The following RRP15 variants were observed in gnomAD, a reference collection of about 807,000 sequenced individuals.
RRP15 encodes the protein ribosomal RNA processing 15 homolog, also known as RRP15-like protein.
A neutral mutation model predicts 27.1 loss-of-function variants in RRP15; 18 were observed. The observed-to-expected ratio is 0.66, with a 90% CI of 0.46 to 0.98. RRP15 has a LOEUF of 0.98. Ranked by LOEUF, RRP15 falls within the 50% of genes least tolerant of loss-of-function variation. The pLI, the probability that RRP15 is intolerant of heterozygous loss-of-function variation, is 0.00. For missense variants in RRP15, 359 were observed against 337.8 expected, an observed-to-expected ratio of 1.06 and a Z score of -0.49; for synonymous variants, 107 against 109.4, an observed-to-expected ratio of 0.98 and a Z score of 0.14.
intron 4 of RRP15, among the ~76,000 whole-genome samples, chr1:218,321,375 G>A (rs1226901737): frequency 1.3e-5 from 2 of 152,170 alleles, no homozygotes; most frequent in Non-Finnish European, 2.9e-5. Context: ...GTGCTGCCTT[G>A]CAGCAACACT....
intron 4 of RRP15, among the ~76,000 whole-genome samples, chr1:218,320,603 T>C (rs1656172342): frequency 6.6e-6 from 1 of 152,144 alleles, no homozygotes. Context: ...AACCACCAAA[T>C]AGAACCGCTT....
rs1655666719 is a variant in RRP15, at chr1:218,292,778, T to C, written c.139+7323T>C. ...CACATCTTGTCATTCCCTAGACGAC[T>C]AGGGTCATAGCATTCTGAACTAGTT... On this transcript the variant is annotated intron_variant, in intron 1 of 4. Transcript: ENST00000366932. Among the ~76,000 whole-genome samples, 3 of 152,222 alleles carry C rather than the reference T, an allele frequency of 2.0e-5. No homozygotes were observed. The South Asian group carries it at 6.2e-4, about 32-fold the overall frequency.
chr1:218,315,008 AAG>A (rs1656065455), intron 4 of RRP15, among the ~76,000 whole-genome samples: 1 of 142,094 alleles, frequency 7.0e-6, no homozygotes, highest in Non-Finnish European at 1.5e-5. Context: ...AAAAAAAAAA[AAG>A]AAAGAAAGTG....
intron 4 of RRP15, among the ~76,000 whole-genome samples, chr1:218,318,695 T>G (rs1456105135): frequency 6.6e-6 from 1 of 152,198 alleles, no homozygotes; most frequent in Admixed American, 6.5e-5. Flanking sequence ...TCAGAATGTT[T>G]CGTGCTAGTG....
At chr1:218,297,558 A>T (rs1655740690) in intron 1 of RRP15, among the ~76,000 whole-genome samples, 1 of 152,204 alleles carries the variant, frequency 6.6e-6, no homozygotes, top group Admixed American at 6.5e-5. Context: ...AAAGCCACTT[A>T]GATTAGTGTG....
At chr1:218,308,493 G>T (rs1655938627) in intron 4 of RRP15, among the ~76,000 whole-genome samples, 1 of 152,080 alleles carries the variant, frequency 6.6e-6, no homozygotes, top group Non-Finnish European at 1.5e-5. Flanking sequence ...TTGATGGCTT[G>T]ATTTCTGTTG....
chr1:218,289,142 C>A (rs1488018011), intron 1 of RRP15, among the ~76,000 whole-genome samples: 1 of 152,188 alleles, frequency 6.6e-6, no homozygotes, highest in Non-Finnish European at 1.5e-5. Context: ...GATGATGTCT[C>A]TTCTGACCTA....
At chr1:218,325,449 G>T (rs1449086525) in intron 4 of RRP15, among the ~76,000 whole-genome samples, 6 of 152,122 alleles carry the variant, frequency 3.9e-5, no homozygotes, top group Admixed American at 3.3e-4. Context: ...AAATACCTCT[G>T]TTCAGTATTC....
At chr1:218,285,486 G>C in intron 1 of RRP15, 31 bp downstream of exon 1, 1 of 1,612,268 alleles carries the variant, frequency 6.2e-7, no homozygotes, top group Non-Finnish European at 8.5e-7. Context: ...TTTGGTGTCT[G>C]GGAGGAAAGG....
chr1:218,298,666 C>T (rs559226121), intron 1 of RRP15, among the ~76,000 whole-genome samples: 29 of 152,210 alleles, frequency 1.9e-4, no homozygotes, highest in South Asian at 1.9e-3. Context: ...CTCAGTACGT[C>T]GGAGGTTTAG....
intron 4 of RRP15, among the ~76,000 whole-genome samples, chr1:218,320,634 G>A (rs538523512): frequency 1.3e-5 from 2 of 151,990 alleles, no homozygotes; most frequent in Non-Finnish European, 2.9e-5. Flanking sequence ...CATATGTAGT[G>A]GGTACATATG....
At chr1:218,324,003 T>A (rs938095108) in intron 4 of RRP15, among the ~76,000 whole-genome samples, 2 of 152,188 alleles carry the variant, frequency 1.3e-5, no homozygotes, top group African/African-American at 4.8e-5. Flanking sequence ...CTTGGGTTGC[T>A]GCAGCTATTC....
chr1:218,288,513 C>A (rs1174622564), intron 1 of RRP15, among the ~76,000 whole-genome samples: 3 of 152,162 alleles, frequency 2.0e-5, no homozygotes, highest in Non-Finnish European at 4.4e-5. Context: ...CCTCCTGTTA[C>A]ATTTAAAAAA....
chr1:218,301,017 A>G (rs1655802051), intron 1 of RRP15, among the ~76,000 whole-genome samples: 1 of 152,202 alleles, frequency 6.6e-6, no homozygotes, highest in Non-Finnish European at 1.5e-5. Context: ...AAGTATATCA[A>G]TATTTAAAAA....
In RRP15 at chr1:218,305,239, T is replaced by C. The variant is rs551517198; in HGVS notation, c.503+114T>C. On this transcript the variant is annotated intron_variant, in intron 3 of 4. Coordinates refer to ENST00000366932, the MANE Select transcript of RRP15 (RefSeq NM_016052.4). Reference sequence around the variant, plus strand: ...AGCCTTCTCAGAGCCAAGTGATATATATCTAAGCCTGCCTGTTCAACACTG... The same window carrying C: ...AGCCTTCTCAGAGCCAAGTGATATACATCTAAGCCTGCCTGTTCAACACTG... 3 of 705,860 alleles carry C rather than the reference T, an allele frequency of 4.3e-6. No individual in the cohort carries two copies. The African/African-American group carries it at 5.4e-5, about 13-fold the overall frequency. The allele number at this position is 705,860 out of a possible 1,614,324, so 43.7% of individuals were successfully genotyped here. A position where few individuals can be genotyped will look rare whatever the true frequency, so the allele number is the denominator to read the frequency against.
In RRP15 at chr1:218,307,579, G is replaced by T; in HGVS notation, c.652G>T (p.Asp218Tyr). The change falls in exon 4 of 5, where the codon GAT becomes TAT. Residue 218 changes from aspartate to tyrosine, a missense_variant. By Grantham distance (160) the Asp-to-Tyr change is radical. Coordinates refer to ENST00000366932, the MANE Select transcript of RRP15 (RefSeq NM_016052.4). ...KDFISVLRGMDGSTNETASSR... is the reference protein window; with the variant it reads ...KDFISVLRGMYGSTNETASSR... ...TTTCATCAGTGTTTTGAGAGGGATG[G>T]ATGGAAGTACAAATGAGACTGCTTC... 1 of 1,613,970 alleles carries T rather than the reference G, an allele frequency of 6.2e-7. No homozygotes were observed. The highest frequency in any genetic ancestry group is 1.1e-5 in the South Asian group (1 of 91,072).
intron 4 of RRP15, among the ~76,000 whole-genome samples, chr1:218,328,588 G>T (rs527512928): frequency 2.6e-5 from 4 of 152,054 alleles, no homozygotes; most frequent in Non-Finnish European, 4.4e-5. Flanking sequence ...GCGTGAACCC[G>T]GGAGGCGGAG....
At chr1:218,318,147 A>G (rs1656119386) in intron 4 of RRP15, among the ~76,000 whole-genome samples, 1 of 152,214 alleles carries the variant, frequency 6.6e-6, no homozygotes, top group South Asian at 2.1e-4. Flanking sequence ...TTGTGTTAAT[A>G]GCTATCTGCC....
At chr1:218,327,197 AT>A (rs1656287337) in intron 4 of RRP15, among the ~76,000 whole-genome samples, 1 of 152,192 alleles carries the variant, frequency 6.6e-6, no homozygotes, top group Non-Finnish European at 1.5e-5. Flanking sequence ...CTAGTTGTTT[AT>A]GTTCAAACTG....
Sources: allele counts gnomAD v4.1 joint callset (sites outside exome capture counted in the v4.1 genomes callset), GRCh38; gene constraint gnomAD v4.1.1; transcripts MANE v1.5; gene names NCBI Gene and HGNC (gene_info 2026-07-23, HGNC 2026-07-21).